The following ADCK1 variants were observed in gnomAD, a reference collection of about 807,000 sequenced individuals.
ADCK1 encodes the protein aarF domain-containing protein kinase 1.
Under a neutral mutation model 52.3 loss-of-function variants are expected in ADCK1, and 41 were observed. The observed-to-expected ratio is 0.78, with a 90% CI of 0.61 to 1.02. The LOEUF is 1.02. Ranked by LOEUF, ADCK1 falls within the 50% of genes least tolerant of loss-of-function variation. The pLI is 0.00. For synonymous variants in ADCK1, 250 were observed against 274.6 expected (o/e 0.91, Z 0.89); for missense variants, 658 against 679.5 (o/e 0.97, Z 0.35).
chr14:77,933,580 C>A lies in ADCK1; in HGVS notation c.*189C>A. ...TGGCCCTTGTCTCAGGGCCCACAAG[C>A]TGAACTGTGGCATAGCTCTCTCTTC... On this transcript the variant is annotated 3_prime_UTR_variant, in exon 11 of 11. Coordinates refer to ENST00000238561, the MANE Select transcript of ADCK1 (RefSeq NM_020421.4). 2 of 625,738 alleles carry A rather than the reference C, an allele frequency of 3.2e-6. No individual in the cohort carries two copies. Among genetic ancestry groups the A allele is most frequent in the South Asian group, 4.6e-5 (2 of 43,348 alleles). 38.8% of individuals were successfully genotyped at this position (625,738 alleles called of 1,614,324 possible).
chr14:77,824,704 G>GA (rs1432202180), intron 3 of ADCK1, among the ~76,000 whole-genome samples: 2 of 152,088 alleles, frequency 1.3e-5, no homozygotes, highest in Non-Finnish European at 2.9e-5. Context: ...AAAGTGCTGA[G>GA]ATTACAGGCG....
rs2082724359 is a variant in ADCK1, at chr14:77,869,198, T to C, written c.423+9919T>C. On this transcript the variant is annotated intron_variant, in intron 4 of 10. Coordinates refer to ENST00000238561, the MANE Select transcript of ADCK1 (RefSeq NM_020421.4). ...TCGGGCTAGCCGCAAACCTCTGGCT[T>C]AAACAACAAATGTATTGTCTCACAG... Among the ~76,000 whole-genome samples the C allele has an allele frequency of 2.6e-5, 4 of 152,156 alleles. No individual in the cohort carries two copies. The South Asian group carries it at 8.3e-4, about 32-fold the overall frequency.
At chr14:77,905,875 T>A (rs372386537) in intron 6 of ADCK1, among the ~76,000 whole-genome samples, 7 of 152,186 alleles carry the variant, frequency 4.6e-5, no homozygotes, top group African/African-American at 1.4e-4. Flanking sequence ...AGAAACTTTT[T>A]GAAAAATGCC....
intron 3 of ADCK1, 142 bp from the exon 4 acceptor site, chr14:77,858,934 G>T (rs10134142): frequency 0.24 from 166,724 of 698,288 alleles, 21,152 homozygotes; most frequent in Middle Eastern, 0.34. Flanking sequence ...AAAGGTGTGT[G>T]TGTGTGCGTG....
At chr14:77,913,574 C>T (rs1008200083) in intron 7 of ADCK1, among the ~76,000 whole-genome samples, 19 of 152,146 alleles carry the variant, frequency 1.2e-4, no homozygotes, top group Non-Finnish European at 2.2e-4. Flanking sequence ...GGCTGGGTGG[C>T]GCCTCCCCAA....
intron 3 of ADCK1, among the ~76,000 whole-genome samples, chr14:77,838,509 AC>A (rs1390255500): frequency 6.6e-6 from 1 of 152,044 alleles, no homozygotes; most frequent in African/African-American, 2.4e-5. Context: ...TGGTTCTCCC[AC>A]TTCAGCCTCC....
chr14:77,825,159 C>G lies in ADCK1; in HGVS notation c.219+2641C>G, dbSNP rs537485218. 6.6e-5 allele frequency among the ~76,000 whole-genome samples: 10 copies of G among 152,214 alleles called. No individual in the cohort carries two copies. In the South Asian group the frequency reaches 2.1e-3, roughly 32 times the overall value. On this transcript the variant is annotated intron_variant, in intron 3 of 10. Coordinates refer to ENST00000238561, the MANE Select transcript of ADCK1 (RefSeq NM_020421.4). ...CCACAGACGATAGTTGGTTACATGC[C>G]TTTCTTTTTAGACTATCTGTTCCTT...
intron 4 of ADCK1, among the ~76,000 whole-genome samples, chr14:77,864,442 C>G (rs2082619720): frequency 6.6e-6 from 1 of 152,146 alleles, no homozygotes; most frequent in Non-Finnish European, 1.5e-5. Flanking sequence ...AGAGATGAGG[C>G]AGGAGAAGGC....
intron 3 of ADCK1, among the ~76,000 whole-genome samples, chr14:77,823,219 TA>T (rs1343165013): frequency 2.0e-5 from 3 of 152,106 alleles, no homozygotes; most frequent in African/African-American, 7.2e-5. Context: ...AGGTCAAGTG[TA>T]GATACCTTTG....
intron 1 of ADCK1, among the ~76,000 whole-genome samples, chr14:77,803,491 C>T (rs182816042): frequency 5.9e-5 from 9 of 152,308 alleles, no homozygotes; most frequent in Admixed American, 5.2e-4. Context: ...ACGGACATTT[C>T]GTGTGACCAT....
intron 3 of ADCK1, among the ~76,000 whole-genome samples, chr14:77,857,951 C>G (rs535080578): frequency 6.6e-5 from 10 of 152,146 alleles, no homozygotes; most frequent in Non-Finnish European, 1.5e-4. Flanking sequence ...GAAGGTAGGA[C>G]CTTCATAGTA....
intron 1 of ADCK1, among the ~76,000 whole-genome samples, chr14:77,813,778 GT>G (rs372653416): frequency 8.4e-5 from 12 of 142,260 alleles, no homozygotes; most frequent in African/African-American, 2.1e-4. Context: ...TTTTTTTTTT[GT>G]TTTTTTTTTG....
intron 4 of ADCK1, among the ~76,000 whole-genome samples, chr14:77,873,131 T>C (rs561482940): frequency 6.6e-6 from 1 of 152,320 alleles, no homozygotes; most frequent in East Asian, 1.9e-4. Context: ...AGTAGTCTCT[T>C]ATCCCTCACC....
intron 3 of ADCK1, among the ~76,000 whole-genome samples, chr14:77,837,361 C>T (rs1291292069): frequency 6.6e-6 from 1 of 152,274 alleles, no homozygotes; most frequent in Non-Finnish European, 1.5e-5. Context: ...TGGTCTTCAA[C>T]TCCTGGGCTC....
chr14:77,830,863 G>C (rs2081833360), intron 3 of ADCK1, among the ~76,000 whole-genome samples: 1 of 152,166 alleles, frequency 6.6e-6, no homozygotes, highest in African/African-American at 2.4e-5. Flanking sequence ...GGTATCAGAT[G>C]ATTCAGGTCA....
Position 77,909,536 on chromosome 14 carries a change from C to T in ADCK1, c.858+1617C>T, listed in dbSNP as rs572980161. Among the ~76,000 whole-genome samples, 9 of 152,284 alleles carry T rather than the reference C, an allele frequency of 5.9e-5. No individual in the cohort carries two copies. In the East Asian group the frequency reaches 9.7e-4, roughly 16 times the overall value. On this transcript the variant is annotated intron_variant, in intron 7 of 10. Transcript: ENST00000238561. Reference sequence around the variant, plus strand: ...GGGGAGTTGGCCCACAGGAGAAAGCCATACCTTGGCTCAGCAGATGAGCCC... The same window carrying T: ...GGGGAGTTGGCCCACAGGAGAAAGCTATACCTTGGCTCAGCAGATGAGCCC...
At chr14:77,893,544 C>G (rs997998633) in intron 5 of ADCK1, among the ~76,000 whole-genome samples, 2 of 152,000 alleles carry the variant, frequency 1.3e-5, no homozygotes, top group Non-Finnish European at 2.9e-5. Flanking sequence ...ACTACTGGGC[C>G]CCAAGGTGCT....
chr14:77,831,706 T>TC (rs1182718168), intron 3 of ADCK1, among the ~76,000 whole-genome samples: 1 of 151,958 alleles, frequency 6.6e-6, no homozygotes, highest in Non-Finnish European at 1.5e-5. Flanking sequence ...TGCCTTGGCC[T>TC]CCCAAAGTGT....
chr14:77,871,992 G>A lies in ADCK1; in HGVS notation c.423+12713G>A, dbSNP rs116902036. Among the ~76,000 whole-genome samples the A allele has an allele frequency of 4.6e-4, 70 of 152,284 alleles. No homozygotes were observed. In the East Asian group the frequency reaches 0.012, roughly 26 times the overall value. ...CATGGCTCTTTGCAAAGGGTCCTGCGCTTTTCACAAAGTTTTCTCATCTTA... is the reference window on the plus strand; with the variant it reads ...CATGGCTCTTTGCAAAGGGTCCTGCACTTTTCACAAAGTTTTCTCATCTTA... On this transcript the variant is annotated intron_variant, in intron 4 of 10. Transcript: ENST00000238561.
Sources: allele counts gnomAD v4.1 joint callset (sites outside exome capture counted in the v4.1 genomes callset), GRCh38; gene constraint gnomAD v4.1.1; transcripts MANE v1.5; gene names NCBI Gene and HGNC (gene_info 2026-07-23, HGNC 2026-07-21).